Variants in AP2B1 observed in about 807,000 individuals in gnomAD.
The protein encoded by AP2B1 is AP-2 complex subunit beta.
AP2B1 carries 23 observed loss-of-function variants against 102.0 expected under a neutral mutation model. That is an observed-to-expected ratio of 0.23 (90% confidence interval 0.16 to 0.32). The LOEUF (loss-of-function observed/expected upper bound fraction) is 0.32. Among genes scored for constraint, AP2B1 ranks in the 10% least tolerant of loss-of-function variants. The probability of loss-of-function intolerance (pLI) is 1.00; values close to 1 mark genes in which losing one functional copy is unlikely to be tolerated. For synonymous variants in AP2B1, 381 were observed against 421.2 expected (o/e 0.90, Z 1.17); for missense variants, 541 against 1,157.4 (o/e 0.47, Z 7.73).
chr17:35,695,442 G>A (rs2428463), intron 18 of AP2B1, among the ~76,000 whole-genome samples: 8,494 of 152,016 alleles, frequency 0.056, 388 homozygotes, highest in East Asian at 0.14. Context: ...CAGTGACATA[G>A]GTATGTCACT....
chr17:35,690,559 T>C (rs939412176), intron 18 of AP2B1, among the ~76,000 whole-genome samples: 3 of 152,256 alleles, frequency 2.0e-5, no homozygotes, highest in Non-Finnish European at 4.4e-5. Context: ...ACCTAAGAGC[T>C]GTCCAGCAGT....
intron 21 of AP2B1, among the ~76,000 whole-genome samples, chr17:35,723,134 A>G (rs1441362019): frequency 1.3e-5 from 2 of 152,188 alleles, no homozygotes; most frequent in African/African-American, 4.8e-5. Context: ...TACAGAAAGG[A>G]CTAATACCTT....
At position 35,595,752 on chromosome 17, in the gene AP2B1, T is replaced by A. The variant is rs1187553604; in HGVS notation, c.37+1685T>A. Among the ~76,000 whole-genome samples the A allele has an allele frequency of 2.6e-5, 4 of 152,154 alleles. No homozygotes were observed. In the East Asian group the frequency reaches 7.7e-4, roughly 29 times the overall value. On this transcript the variant is annotated intron_variant, in intron 2 of 21. Coordinates refer to ENST00000610402, the MANE Select transcript of AP2B1 (RefSeq NM_001030006.2). ...TGGTCCTGCCCAACTTTTTCCTCCT[T>A]ATTTTTATTACTTACACCTCACAAA...
At chr17:35,605,972 G>A in intron 4 of AP2B1, 132 bp downstream of exon 4, 1 of 1,406,038 alleles carries the variant, frequency 7.1e-7, no homozygotes, top group Non-Finnish European at 9.4e-7. Context: ...GTATACCAGT[G>A]TGTGTCATCC....
At chr17:35,692,982 G>A (rs989029379) in intron 18 of AP2B1, among the ~76,000 whole-genome samples, 5 of 129,490 alleles carry the variant, frequency 3.9e-5, no homozygotes, top group African/African-American at 1.5e-4. Flanking sequence ...TTTATTTGGC[G>A]TTTTTTTATG....
At chr17:35,620,400 A>G (rs12940422) in intron 5 of AP2B1, among the ~76,000 whole-genome samples, 11,110 of 152,164 alleles carry the variant, frequency 0.073, 469 homozygotes, top group Middle Eastern at 0.11. Context: ...CTATATGATT[A>G]TGCCACTACA....
At position 35,726,332 on chromosome 17, in the gene AP2B1, T is replaced by C. The variant is rs946906282; in HGVS notation, c.*2633T>C. On this transcript the variant is annotated 3_prime_UTR_variant, in exon 22 of 22. Transcript: ENST00000610402. ...AATGCTTCTCATTCCTCTGTTCTTA[T>C]TGGGTCCTGTTTTTCGGGAGGGTGG... 6.6e-6 allele frequency: 1 copy of C among 151,592 alleles called. No individual in the cohort carries two copies. Among genetic ancestry groups the C allele is most frequent in the Non-Finnish European group, 1.5e-5 (1 of 67,880 alleles). 9.4% of individuals were successfully genotyped at this position (151,592 alleles called of 1,614,324 possible).
intron 6 of AP2B1, 62 bp from the exon 7 acceptor site, chr17:35,626,559 A>G: frequency 1.5e-6 from 2 of 1,361,578 alleles, no homozygotes; most frequent in Admixed American, 1.8e-5. Flanking sequence ...ATATTACCTT[A>G]TAGAATGAAT....
intron 14 of AP2B1, among the ~76,000 whole-genome samples, chr17:35,669,130 G>A (rs540718043): frequency 7.4e-6 from 1 of 134,552 alleles, no homozygotes; most frequent in Non-Finnish European, 1.5e-5. Context: ...CAAATTCTTG[G>A]TTTGGGGATG....
At chr17:35,603,148 TTG>T (rs2073546247) in intron 3 of AP2B1, among the ~76,000 whole-genome samples, 1 of 152,234 alleles carries the variant, frequency 6.6e-6, no homozygotes, top group Non-Finnish European at 1.5e-5. Context: ...CTGTACCCTT[TTG>T]TGTATATAGG....
At chr17:35,651,899 C>CT (rs2075096649) in intron 13 of AP2B1, among the ~76,000 whole-genome samples, 1 of 152,128 alleles carries the variant, frequency 6.6e-6, no homozygotes, top group Admixed American at 6.6e-5. Context: ...ATAGATGAGA[C>CT]TATTTAACTT....
At chr17:35,595,645 T>C (rs1345805243) in intron 2 of AP2B1, among the ~76,000 whole-genome samples, 3 of 152,264 alleles carry the variant, frequency 2.0e-5, no homozygotes, top group East Asian at 1.9e-4. Context: ...GTAGATTTGA[T>C]TGGGGGGAGG....
At chr17:35,613,134 GCACTGCA>G (rs768137963) in intron 5 of AP2B1, among the ~76,000 whole-genome samples, 6 of 151,252 alleles carry the variant, frequency 4.0e-5, no homozygotes, top group Non-Finnish European at 8.8e-5. Context: ...CATGGTGGCA[GCACTGCA>G]CCAGCACATA....
chr17:35,610,391 C>T (rs1158581701), intron 5 of AP2B1, among the ~76,000 whole-genome samples: 1 of 151,976 alleles, frequency 6.6e-6, no homozygotes, highest in Non-Finnish European at 1.5e-5. Context: ...AGGTGATGCA[C>T]CTGCCTTGAC....
chr17:35,606,665 C>G (rs2073686738), intron 4 of AP2B1, among the ~76,000 whole-genome samples: 1 of 151,932 alleles, frequency 6.6e-6, no homozygotes, highest in Non-Finnish European at 1.5e-5. Context: ...GTTTGTAATC[C>G]TCATACATAT....
chr17:35,646,925 T>C (rs1336616631), intron 12 of AP2B1, among the ~76,000 whole-genome samples: 1 of 152,150 alleles, frequency 6.6e-6, no homozygotes, highest in African/African-American at 2.4e-5. Flanking sequence ...AATTTTTCTT[T>C]TTGGTCATTT....
chr17:35,710,770 A>C (rs2076430178), intron 20 of AP2B1, among the ~76,000 whole-genome samples: 1 of 152,204 alleles, frequency 6.6e-6, no homozygotes. Flanking sequence ...ATGTATCATC[A>C]TTAGTGAAAG....
rs756781595 is a variant in AP2B1, at chr17:35,674,221, A to T, written c.2224A>T (p.Thr742Ser). ...VKAKGLEISGTFTHRQGHIYM... is the reference protein window; with the variant it reads ...VKAKGLEISGSFTHRQGHIYM... ...GGCTAAAGGCTTGGAGATTTCCGGA[A>T]CATTTACTCACCGCCAAGGGCACAT... The change falls in exon 17 of 22, where the codon ACA (threonine) becomes TCA (serine). Residue 742 changes from threonine to serine, a missense_variant. Physicochemically the swap from Thr to Ser is moderately conservative, Grantham distance 58 (BLOSUM62 1). This residue lies in a region of AP2B1 where 62 missense variants were observed against 87.6 expected (regional missense o/e 0.71). Coordinates refer to ENST00000610402, the MANE Select transcript of AP2B1 (RefSeq NM_001030006.2). 3 of 1,614,218 alleles carry T rather than the reference A, an allele frequency of 1.9e-6. No homozygotes were observed. The highest frequency in any genetic ancestry group is 2.2e-5 in the East Asian group (1 of 44,884).
intron 14 of AP2B1, chr17:35,660,144 T>G (rs905576429): frequency 2.2e-6 from 2 of 911,552 alleles, no homozygotes; most frequent in African/African-American, 3.8e-5. Flanking sequence ...AGAGGGTTTG[T>G]TTTGTTTTGT....
Sources: gnomAD v4.1 joint callset for allele counts (sites outside exome capture counted in the v4.1 genomes callset) on GRCh38, gnomAD v4.1.1 for gene constraint, gnomAD v4.1.1 regional missense constraint, MANE v1.5 for transcripts, NCBI Gene and HGNC (gene_info 2026-07-23, HGNC 2026-07-21) for gene names.